Variants in PKD2L1 observed in about 807,000 individuals in gnomAD.
The protein encoded by PKD2L1 is polycystin-2-like protein 1.
Under a neutral mutation model 93.0 loss-of-function variants are expected in PKD2L1, and 77 were observed. The observed-to-expected ratio is 0.83, with a 90% CI of 0.69 to 1.00. The LOEUF is 1.00. Ranked by LOEUF, PKD2L1 falls within the 50% of genes least tolerant of loss-of-function variation. The probability of loss-of-function intolerance (pLI) is 0.00; values close to 1 mark genes in which losing one functional copy is unlikely to be tolerated. For synonymous variants in PKD2L1, 390 were observed against 388.0 expected (o/e 1.01, Z -0.06); for missense variants, 977 against 990.9 (o/e 0.99, Z 0.19).
intron 2 of PKD2L1, among the ~76,000 whole-genome samples, chr10:100,316,507 T>C (rs1450568469): frequency 6.6e-6 from 1 of 152,224 alleles, no homozygotes; most frequent in African/African-American, 2.4e-5. Flanking sequence ...GCACTTGGCC[T>C]AGGGCCTGGC....
intron 2 of PKD2L1, among the ~76,000 whole-genome samples, chr10:100,322,531 T>C (rs1311744646): frequency 6.6e-6 from 1 of 151,898 alleles, no homozygotes; most frequent in Non-Finnish European, 1.5e-5. Flanking sequence ...GATGAAAGTA[T>C]ACAATATAAT....
intron 2 of PKD2L1, among the ~76,000 whole-genome samples, chr10:100,321,742 AGAAAGAAAGAAAGAAGGGAGGGAGGGAG>A (rs1849245505): frequency 1.4e-4 from 1 of 7,336 alleles, no homozygotes; most frequent in Non-Finnish European, 3.4e-4. Context: ...AAAGAAAGAA[AGAAAGAAAGAAAGAAGGGAGGGAGGGAG>A]GGAGGGAGGG....
intron 2 of PKD2L1, among the ~76,000 whole-genome samples, chr10:100,314,986 GGAAGGAAGGAAGGAAGGAAGGAA>G (rs1364970936): frequency 0.014 from 197 of 14,508 alleles, 6 homozygotes; most frequent in Middle Eastern, 0.038. Context: ...AAGGAAGGAA[GGAAGGAAGGAAGGAAGGAAGGAA>G]GGAAGGGAAG....
At chr10:100,314,717 T>C (rs1158619868) in intron 2 of PKD2L1, among the ~76,000 whole-genome samples, 2 of 152,012 alleles carry the variant, frequency 1.3e-5, no homozygotes, top group Non-Finnish European at 2.9e-5. Flanking sequence ...CTAAAATTCA[T>C]GTATATTTAT....
chr10:100,329,381 T>C, intron 1 of PKD2L1, 57 bp from the exon 2 acceptor site: 1 of 1,612,464 alleles, frequency 6.2e-7, no homozygotes, highest in Non-Finnish European at 8.5e-7. Flanking sequence ...CTCCCAGTCA[T>C]CCCCACCCAT....
chr10:100,299,477 A>T (rs1848628892), intron 3 of PKD2L1, 114 bp downstream of exon 3: 5 of 976,632 alleles, frequency 5.1e-6, no homozygotes, highest in Admixed American at 2.0e-5. Flanking sequence ...CCTTTGACTC[A>T]GTCTGATCCC....
Position 100,293,288 on chromosome 10 carries a change from A to G in PKD2L1, c.1751T>C (p.Leu584Pro). Residue 584 changes from leucine to proline, a missense_variant, in exon 10 of 16, where the codon CTG becomes CCG. Coordinates refer to ENST00000318222, the MANE Select transcript of PKD2L1 (RefSeq NM_016112.3). ...AGGAGATTGAGCAATCACCTGTTTC[A>G]GGAGGTCAGAAAGTTGCAGCTCATC... ...QKDELQLSDL[L>P]KQGYNKTLLR... 1.2e-6 allele frequency: 2 copies of G among 1,608,500 alleles called. No homozygotes were observed. The highest frequency in any genetic ancestry group is 1.7e-6 in the Non-Finnish European group (2 of 1,174,836).
chr10:100,297,273 C>T lies in PKD2L1; in HGVS notation c.957-65G>A. Reference sequence around the variant, plus strand: ...GCTGGGACGGCTCCTCCCACTTCCTCTCCTCTCCACCCCCACCACAGGGTA... The same window carrying T: ...GCTGGGACGGCTCCTCCCACTTCCTTTCCTCTCCACCCCCACCACAGGGTA... On this transcript the variant is annotated intron_variant, in intron 5 of 15. Coordinates refer to ENST00000318222, the MANE Select transcript of PKD2L1 (RefSeq NM_016112.3). The T allele has an allele frequency of 9.0e-6, 14 of 1,550,030 alleles. No homozygotes were observed. In the South Asian group the frequency reaches 1.6e-4, roughly 17 times the overall value.
At chr10:100,303,256 C>T (rs1387951354) in intron 2 of PKD2L1, among the ~76,000 whole-genome samples, 3 of 140,952 alleles carry the variant, frequency 2.1e-5, no homozygotes, top group Non-Finnish European at 4.5e-5. Context: ...TGCAATGGCA[C>T]GATCTCGGCT....
intron 2 of PKD2L1, among the ~76,000 whole-genome samples, chr10:100,310,596 GCACACA>G (rs1347045910): frequency 1.3e-5 from 2 of 151,862 alleles, no homozygotes; most frequent in Non-Finnish European, 2.9e-5. Flanking sequence ...GTGTGTGCAG[GCACACA>G]CGCACACACA....
rs755893584 is a variant in PKD2L1 at position 100,290,054 on chromosome 10, C to T, written c.2211G>A (p.Met737Ile). 1 of 1,614,114 alleles carries T rather than the reference C, an allele frequency of 6.2e-7. No individual in the cohort carries two copies. Among genetic ancestry groups the T allele is most frequent in the Non-Finnish European group, 8.5e-7 (1 of 1,180,046 alleles). ...QIDAVGSKLK[M>I]LERKGWLAPS... ...GAGCCAGCCACCCCTTCCTCTCCAG[C>T]ATTTTCAGCTTTGAGCCTACAGCAT... Residue 737 changes from methionine (M) to isoleucine (I), a missense_variant, in exon 14 of 16, where the codon ATG (methionine) becomes ATA (isoleucine). Met to Ile is a conservative substitution (Grantham distance 10, BLOSUM62 1). Coordinates refer to ENST00000318222, the MANE Select transcript of PKD2L1 (RefSeq NM_016112.3).
At chr10:100,294,698 C>T (rs76112207) in intron 8 of PKD2L1, 43 bp from the exon 9 acceptor site, 1 of 1,611,368 alleles carries the variant, frequency 6.2e-7, no homozygotes, top group Non-Finnish European at 8.5e-7. Context: ...CTAACAAACA[C>T]CCCCCATCCC....
At chr10:100,295,274 T>C (rs896320661) in intron 7 of PKD2L1, 151 bp from the exon 8 acceptor site, 4 of 645,048 alleles carry the variant, frequency 6.2e-6, no homozygotes, top group Non-Finnish European at 1.1e-5. Flanking sequence ...ATACAAAAAT[T>C]AGCTGGGCAT....
intron 2 of PKD2L1, among the ~76,000 whole-genome samples, chr10:100,318,485 C>T (rs1849151507): frequency 1.3e-5 from 2 of 151,774 alleles, no homozygotes; most frequent in Non-Finnish European, 2.9e-5. Flanking sequence ...CTGGCCTCAT[C>T]TACAACAATC....
rs958274114 is a variant in PKD2L1, at chr10:100,299,409, A to G, written c.477+182T>C. Among the ~76,000 whole-genome samples, 4 of 152,200 alleles carry G rather than the reference A, an allele frequency of 2.6e-5. 1 individual carries two copies. Among genetic ancestry groups the G allele is most frequent in the Admixed American group, 1.3e-4 (2 of 15,282 alleles). On this transcript the variant is annotated intron_variant, in intron 3 of 15. Coordinates refer to ENST00000318222, the MANE Select transcript of PKD2L1 (RefSeq NM_016112.3). ...CCTGGTTTAATTCCCTGATTGCTGTATTAATCCCTTACCCACCTCCACCTG... is the reference window on the plus strand; with the variant it reads ...CCTGGTTTAATTCCCTGATTGCTGTGTTAATCCCTTACCCACCTCCACCTG...
At position 100,297,392 on chromosome 10, in the gene PKD2L1, A is replaced by G; in HGVS notation, c.946T>C (p.Cys316Arg). 2 of 1,613,730 alleles carry G rather than the reference A, an allele frequency of 1.2e-6. No homozygotes were observed. The highest frequency in any genetic ancestry group is 1.7e-6 in the Non-Finnish European group (2 of 1,179,596). Residue 316 changes from cysteine (C) to arginine (R), a missense_variant, in exon 5 of 16, where the codon TGT becomes CGT. By Grantham distance (180) the Cys-to-Arg change is radical. Transcript: ENST00000318222. ...GGAAAGGGGGCTCACCTCAGGACACAGAAAAGATTGATATTGGCATTGTAG... is the reference window on the plus strand; with the variant it reads ...GGAAAGGGGGCTCACCTCAGGACACGGAAAAGATTGATATTGGCATTGTAG... ...SVYNANINLF[C>R]VLRLVVEFPA...
At position 100,329,236 on chromosome 10, in the gene PKD2L1, A is replaced by G. The variant is rs372807838; in HGVS notation, c.324T>C (p.Ile108=). ...KTTLRELLVY[I]VFLVDICLLT... ...GTAGACAGATGTCCACCAGGAACACAATATATACCAACAGCTCCCTCAGGG... is the reference window on the plus strand; with the variant it reads ...GTAGACAGATGTCCACCAGGAACACGATATATACCAACAGCTCCCTCAGGG... Residue 108 remains isoleucine (I), a synonymous_variant, in exon 2 of 16, where the codon ATT becomes ATC. Transcript: ENST00000318222. 1 of 1,614,128 alleles carries G rather than the reference A, an allele frequency of 6.2e-7. No homozygotes were observed. Among genetic ancestry groups the G allele is most frequent in the Non-Finnish European group, 8.5e-7 (1 of 1,179,964 alleles).
chr10:100,291,699 C>T (rs1026661481), intron 11 of PKD2L1, among the ~76,000 whole-genome samples: 4 of 152,164 alleles, frequency 2.6e-5, no homozygotes, highest in African/African-American at 9.7e-5. Flanking sequence ...TGCTATCCCC[C>T]AGCTTCCCCT....
Position 100,297,124 on chromosome 10 carries a change from G to T in PKD2L1, c.1041C>A (p.Asn347Lys). The T allele has an allele frequency of 6.2e-7, 1 of 1,614,190 alleles. No individual in the cohort carries two copies. The highest frequency in any genetic ancestry group is 8.5e-7 in the Non-Finnish European group (1 of 1,180,036). ...RTVKLIRYVSNWDFFIVGCEV... is the reference protein window; with the variant it reads ...RTVKLIRYVSKWDFFIVGCEV... The stretch of plus-strand genomic sequence containing the variant: ...CACAGCCAACGATAAAGAAGTCCCA[G>T]TTGCTGACATAGCGGATCAGCTTGA... Residue 347 changes from asparagine (N) to lysine (K), a missense_variant, in exon 6 of 16, where the codon AAC (asparagine) becomes AAA (lysine). By Grantham distance (94) the Asn-to-Lys change is moderately conservative. Coordinates refer to ENST00000318222, the MANE Select transcript of PKD2L1 (RefSeq NM_016112.3).
Sources: allele counts gnomAD v4.1 joint callset (sites outside exome capture counted in the v4.1 genomes callset), GRCh38; gene constraint gnomAD v4.1.1; transcripts MANE v1.5; gene names NCBI Gene and HGNC (gene_info 2026-07-23, HGNC 2026-07-21).